KCTD16: variants seen among roughly 807,000 people sequenced by gnomAD.
KCTD16 encodes BTB/POZ domain-containing protein KCTD16.
A neutral mutation model predicts 33.2 loss-of-function variants in KCTD16; 13 were observed. That is an observed-to-expected ratio of 0.39 (90% confidence interval 0.25 to 0.62). The LOEUF (loss-of-function observed/expected upper bound fraction) is 0.62. Ranked by LOEUF, KCTD16 falls within the 20% of genes least tolerant of loss-of-function variation. KCTD16 has a pLI of 0.50. For synonymous variants in KCTD16, 197 were observed against 195.3 expected, an observed-to-expected ratio of 1.01 and a Z score of -0.07; for missense variants, 441 against 525.1, an observed-to-expected ratio of 0.84 and a Z score of 1.57.
At chr5:144,272,970 A>T (rs990145435) in intron 3 of KCTD16, among the ~76,000 whole-genome samples, 1 of 152,200 alleles carries the variant, frequency 6.6e-6, no homozygotes, top group Admixed American at 6.5e-5. Flanking sequence ...AAAATAAAAA[A>T]ATATATACTC....
At chr5:144,333,042 C>T (rs1752397192) in intron 3 of KCTD16, among the ~76,000 whole-genome samples, 2 of 152,150 alleles carry the variant, frequency 1.3e-5, no homozygotes, top group African/African-American at 4.8e-5. Context: ...CCCTGGCCTT[C>T]CCACAACTCG....
At chr5:144,266,782 AT>A (rs35899622) in intron 3 of KCTD16, among the ~76,000 whole-genome samples, 42 of 149,650 alleles carry the variant, frequency 2.8e-4, no homozygotes, top group Admixed American at 7.3e-4. Flanking sequence ...CAAGATTTCT[AT>A]TTTTTTTTTA....
intron 3 of KCTD16, among the ~76,000 whole-genome samples, chr5:144,232,698 T>A (rs1754139407): frequency 6.6e-6 from 1 of 152,152 alleles, no homozygotes; most frequent in Non-Finnish European, 1.5e-5. Flanking sequence ...AAACATAAAA[T>A]GAACCATGTA....
chr5:144,355,352 C>T (rs1451333434), intron 3 of KCTD16, among the ~76,000 whole-genome samples: 1 of 152,102 alleles, frequency 6.6e-6, no homozygotes, highest in African/African-American at 2.4e-5. Context: ...AGTTCAGAGA[C>T]CTTCAGAAGG....
At chr5:144,281,729 A>G (rs764367998) in intron 3 of KCTD16, among the ~76,000 whole-genome samples, 6 of 152,098 alleles carry the variant, frequency 3.9e-5, no homozygotes, top group South Asian at 2.1e-4. Flanking sequence ...CAGGACTTCT[A>G]TATTCTTGTT....
intron 3 of KCTD16, among the ~76,000 whole-genome samples, chr5:144,418,043 A>T (rs540221935): frequency 1.3e-5 from 2 of 152,084 alleles, no homozygotes; most frequent in Non-Finnish European, 2.9e-5. Flanking sequence ...GTGTGAAGCC[A>T]CAGACCTTGG....
chr5:144,453,447 T>C (rs1753992415), intron 3 of KCTD16, among the ~76,000 whole-genome samples: 1 of 152,294 alleles, frequency 6.6e-6, no homozygotes, highest in East Asian at 1.9e-4. Flanking sequence ...ATGATCTGTA[T>C]GAATTTTCAT....
At chr5:144,373,350 G>A (rs1752012626) in intron 3 of KCTD16, among the ~76,000 whole-genome samples, 1 of 152,138 alleles carries the variant, frequency 6.6e-6, no homozygotes, top group South Asian at 2.1e-4. Context: ...CAAGTACAGT[G>A]ATCCTAAGTT....
At chr5:144,300,170 G>A (rs1751390457) in intron 3 of KCTD16, among the ~76,000 whole-genome samples, 3 of 152,006 alleles carry the variant, frequency 2.0e-5, no homozygotes, top group South Asian at 2.1e-4. Context: ...TTCACTTCTC[G>A]GGTGGAAGAG....
intron 3 of KCTD16, among the ~76,000 whole-genome samples, chr5:144,456,374 AC>A (rs1754063030): frequency 6.6e-6 from 1 of 152,194 alleles, no homozygotes; most frequent in South Asian, 2.1e-4. Context: ...GAATGAAAAC[AC>A]AACCTCTCTC....
intron 3 of KCTD16, among the ~76,000 whole-genome samples, chr5:144,393,581 G>A (rs1026327647): frequency 9.9e-5 from 15 of 152,076 alleles, no homozygotes; most frequent in African/African-American, 3.6e-4. Flanking sequence ...GAGTGTGTGT[G>A]TGTGTATGTA....
intron 3 of KCTD16, among the ~76,000 whole-genome samples, chr5:144,282,534 T>C (rs1187264555): frequency 6.6e-6 from 1 of 152,154 alleles, no homozygotes; most frequent in African/African-American, 2.4e-5. Context: ...TGGTCAGAAG[T>C]ATAGGTGACA....
Position 144,454,647 on chromosome 5 carries a change from A to G in KCTD16, c.833-19013A>G, listed in dbSNP as rs564732346. Among the ~76,000 whole-genome samples the G allele has an allele frequency of 2.8e-4, 43 of 152,312 alleles. No homozygotes were observed. The East Asian group carries it at 3.9e-3, about 14-fold the overall frequency. On this transcript the variant is annotated intron_variant, in intron 3 of 3. Coordinates refer to ENST00000512467, the MANE Select transcript of KCTD16 (RefSeq NM_020768.4). ...GGGAAGACAGGATGCATAAAGCTCC[A>G]TCATGGATAGCTCAACTTTGAGAAG...
chr5:144,440,734 TTTTTA>T (rs1427938773), intron 3 of KCTD16, among the ~76,000 whole-genome samples: 23 of 152,212 alleles, frequency 1.5e-4, no homozygotes, highest in African/African-American at 5.1e-4. Context: ...ATGTTGAGTT[TTTTTA>T]TTTTATTTTA....
Position 144,206,517 on chromosome 5 carries a change from T to C in KCTD16, c.-198T>C. The C allele has an allele frequency of 1.8e-6, 1 of 541,958 alleles. No homozygotes were observed. Among genetic ancestry groups the C allele is most frequent in the Non-Finnish European group, 3.2e-6 (1 of 308,700 alleles). The allele number at this position is 541,958 out of a possible 1,614,324, so 33.6% of individuals were successfully genotyped here. A position where few individuals can be genotyped will look rare whatever the true frequency, so the allele number is the denominator to read the frequency against. On this transcript the variant is annotated 5_prime_UTR_variant, in exon 3 of 4. Transcript: ENST00000512467. ...ACCATCCACCATCCAGGGTTTAAACTACTTTTTCAGCATCACTTCACCTGT... is the reference window on the plus strand; with the variant it reads ...ACCATCCACCATCCAGGGTTTAAACCACTTTTTCAGCATCACTTCACCTGT...
intron 3 of KCTD16, among the ~76,000 whole-genome samples, chr5:144,236,255 A>G (rs1232706998): frequency 6.6e-6 from 1 of 152,164 alleles, no homozygotes; most frequent in African/African-American, 2.4e-5. Flanking sequence ...AATTCTAACT[A>G]CTGGATAACA....
At chr5:144,469,946 G>A (rs1424050407) in intron 3 of KCTD16, among the ~76,000 whole-genome samples, 3 of 150,324 alleles carry the variant, frequency 2.0e-5, no homozygotes, top group Non-Finnish European at 4.4e-5. Context: ...TCCCCAAACA[G>A]GCAATAGATT....
At chr5:144,263,061 A>T (rs878924972) in intron 3 of KCTD16, among the ~76,000 whole-genome samples, 14 of 152,246 alleles carry the variant, frequency 9.2e-5, no homozygotes, top group Admixed American at 6.5e-4. Flanking sequence ...GCTATTAATG[A>T]TTATGCCTGG....
In KCTD16 at chr5:144,198,218, C is replaced by T. The variant is rs374994697; in HGVS notation, c.-326-8171C>T. Among the ~76,000 whole-genome samples, 49 of 152,254 alleles carry T rather than the reference C, an allele frequency of 3.2e-4. 3 individuals carry two copies. In the South Asian group the frequency reaches 1.0e-2, roughly 31 times the overall value. On this transcript the variant is annotated intron_variant, in intron 2 of 3. Coordinates refer to ENST00000512467, the MANE Select transcript of KCTD16 (RefSeq NM_020768.4). ...GACCCTATCAGCTTTGTAATTGTTTCATTGGGCCATTCTGAGGATTTCGCT... is the reference window on the plus strand; with the variant it reads ...GACCCTATCAGCTTTGTAATTGTTTTATTGGGCCATTCTGAGGATTTCGCT...
Sources: allele counts gnomAD v4.1 joint callset (sites outside exome capture counted in the v4.1 genomes callset), GRCh38; gene constraint gnomAD v4.1.1; transcripts MANE v1.5; gene names NCBI Gene and HGNC (gene_info 2026-07-23, HGNC 2026-07-21).